EPHA7: variants seen among roughly 807,000 people sequenced by gnomAD.
EPHA7 encodes ephrin type-A receptor 7.
A neutral mutation model predicts 112.6 loss-of-function variants in EPHA7; 25 were observed. The ratio of observed to expected loss-of-function variants is 0.22; its 90% CI spans 0.16 to 0.31. The LOEUF (loss-of-function observed/expected upper bound fraction) is 0.31. EPHA7 is among the 10% of genes least tolerant of loss of function. EPHA7 has a pLI of 1.00. For missense variants in EPHA7, 962 were observed against 1,212.6 expected (o/e 0.79, Z 3.07); for synonymous variants, 437 against 406.5 (o/e 1.07, Z -0.90).
At chr6:93,352,377 T>C (rs910861060) in intron 5 of EPHA7, among the ~76,000 whole-genome samples, 1 of 152,144 alleles carries the variant, frequency 6.6e-6, no homozygotes, top group African/African-American at 2.4e-5. Context: ...AATTACCATG[T>C]TCTGATTACA....
chr6:93,303,124 C>G (rs1488893045), intron 5 of EPHA7, among the ~76,000 whole-genome samples: 1 of 152,082 alleles, frequency 6.6e-6, no homozygotes, highest in Non-Finnish European at 1.5e-5. Context: ...TGATGTTTGC[C>G]CGTGATCCTA....
At chr6:93,396,270 A>T (rs1450787045) in intron 3 of EPHA7, among the ~76,000 whole-genome samples, 1 of 151,930 alleles carries the variant, frequency 6.6e-6, no homozygotes, top group African/African-American at 2.4e-5. Flanking sequence ...AGAACTATTC[A>T]GTAGGTAGAA....
At chr6:93,356,325 A>G (rs994649647) in intron 5 of EPHA7, among the ~76,000 whole-genome samples, 3 of 151,782 alleles carry the variant, frequency 2.0e-5, no homozygotes, top group African/African-American at 7.3e-5. Context: ...CTCCTGCCTC[A>G]GCCTCTCAAG....
Position 93,255,899 on chromosome 6 carries a change from C to G in EPHA7, c.2311G>C (p.Val771Leu). 1 of 1,614,060 alleles carries G rather than the reference C, an allele frequency of 6.2e-7. No individual in the cohort carries two copies. The highest frequency in any genetic ancestry group is 1.3e-5 in the African/African-American group (1 of 75,032). ...AGGCCAAAATCTGACACTTTACAAA[C>G]GAGATTGCTGTTGACAAGAATATTG... The part of the protein sequence containing the change: ...ARNILVNSNL[V>L]CKVSDFGLSR... Residue 771 changes from valine (V) to leucine (L), a missense_variant, in exon 13 of 17, where the codon GTT becomes CTT. Coordinates refer to ENST00000369303, the MANE Select transcript of EPHA7 (RefSeq NM_004440.4).
rs1249303084 is a variant in EPHA7 at position 93,327,944 on chromosome 6, T to C, written c.1324+28773A>G. 2.6e-5 allele frequency among the ~76,000 whole-genome samples: 4 copies of C among 151,546 alleles called. No individual in the cohort carries two copies. In the South Asian group the frequency reaches 8.3e-4, roughly 31 times the overall value. ...CTTCATCTAAAGCCAGTGGTTATAA[T>C]GACTTGCAAGGTCTAACACAGTGTG... On this transcript the variant is annotated intron_variant, in intron 5 of 16. Coordinates refer to ENST00000369303, the MANE Select transcript of EPHA7 (RefSeq NM_004440.4).
At chr6:93,397,576 T>C (rs1344239260) in intron 3 of EPHA7, among the ~76,000 whole-genome samples, 1 of 151,936 alleles carries the variant, frequency 6.6e-6, no homozygotes, top group Admixed American at 6.6e-5. Context: ...GTGTTATGTG[T>C]TCAACTGACC....
At chr6:93,350,549 G>A (rs1036940490) in intron 5 of EPHA7, among the ~76,000 whole-genome samples, 3 of 151,996 alleles carry the variant, frequency 2.0e-5, no homozygotes, top group Non-Finnish European at 4.4e-5. Flanking sequence ...CTGAGTGAGT[G>A]TCATATAGAT....
At chr6:93,256,336 G>A (rs539672745) in intron 12 of EPHA7, among the ~76,000 whole-genome samples, 33 of 151,850 alleles carry the variant, frequency 2.2e-4, no homozygotes, top group Non-Finnish European at 4.3e-4. Context: ...TGGAAATAGA[G>A]TATCTAAAAA....
chr6:93,388,594 A>T (rs552903859), intron 3 of EPHA7, among the ~76,000 whole-genome samples: 20 of 152,250 alleles, frequency 1.3e-4, no homozygotes, highest in African/African-American at 4.8e-4. Context: ...ATTACAGTAA[A>T]GTGGGTACAT....
At position 93,357,030 on chromosome 6, in the gene EPHA7, G is replaced by A. The variant is rs780065950; in HGVS notation, c.1011C>T (p.Asn337=). 1 of 1,612,580 alleles carries A rather than the reference G, an allele frequency of 6.2e-7. No individual in the cohort carries two copies. Among genetic ancestry groups the A allele is most frequent in the South Asian group, 1.1e-5 (1 of 91,054 alleles). ...TGGTTTGGTTGATGTTGAAAATGAG[G>A]TTCTGTGGTGCAGATGGAGGCCCTT... ...ACTRPPSAPQ[N]LIFNINQTTV... Residue 337 remains asparagine, a synonymous_variant, in exon 5 of 17, where the codon AAC becomes AAT. Transcript: ENST00000369303.
chr6:93,371,214 T>C (rs1776779914), intron 3 of EPHA7, among the ~76,000 whole-genome samples: 1 of 150,186 alleles, frequency 6.7e-6, no homozygotes, highest in South Asian at 2.1e-4. Flanking sequence ...TATCCACTGG[T>C]TCTGCATCCA....
At chr6:93,359,162 C>T (rs1217257924) in intron 3 of EPHA7, among the ~76,000 whole-genome samples, 1 of 152,096 alleles carries the variant, frequency 6.6e-6, no homozygotes, top group African/African-American at 2.4e-5. Context: ...CACACTAACA[C>T]AGCAACTTTT....
intron 3 of EPHA7, chr6:93,409,834 T>C (rs1294380889): frequency 1.3e-5 from 2 of 150,890 alleles, no homozygotes; most frequent in Non-Finnish European, 1.5e-5. Flanking sequence ...AAACATGCAA[T>C]TGGTGTACTA....
chr6:93,351,909 C>A (rs956344557), intron 5 of EPHA7, among the ~76,000 whole-genome samples: 1 of 151,966 alleles, frequency 6.6e-6, no homozygotes, highest in Non-Finnish European at 1.5e-5. Context: ...TACAATATGA[C>A]GAGTCAAATA....
At chr6:93,396,697 T>C (rs1419230864) in intron 3 of EPHA7, among the ~76,000 whole-genome samples, 1 of 151,864 alleles carries the variant, frequency 6.6e-6, no homozygotes. Flanking sequence ...AACTCAGCTC[T>C]AAAGTACTAC....
At chr6:93,324,747 A>T (rs1774233916) in intron 5 of EPHA7, among the ~76,000 whole-genome samples, 1 of 151,438 alleles carries the variant, frequency 6.6e-6, no homozygotes. Context: ...GAGAAAGACA[A>T]ATATTCACTA....
chr6:93,266,951 T>C (rs993414181), intron 7 of EPHA7, among the ~76,000 whole-genome samples: 2 of 151,822 alleles, frequency 1.3e-5, no homozygotes, highest in African/African-American at 2.4e-5. Flanking sequence ...GAACTTTTCA[T>C]AGAGTCTGCA....
chr6:93,417,099 A>G (rs1779273603), intron 1 of EPHA7, among the ~76,000 whole-genome samples: 1 of 152,082 alleles, frequency 6.6e-6, no homozygotes, highest in South Asian at 2.1e-4. Context: ...ACGGAGAGAA[A>G]AAGTAAGCAG....
intron 3 of EPHA7, among the ~76,000 whole-genome samples, chr6:93,381,966 C>T (rs768782123): frequency 9.2e-5 from 14 of 152,196 alleles, no homozygotes; most frequent in African/African-American, 2.6e-4. Flanking sequence ...ATAATCATTT[C>T]GCCAAATGTG....
Sources: gnomAD v4.1 joint callset for allele counts (sites outside exome capture counted in the v4.1 genomes callset) on GRCh38, gnomAD v4.1.1 for gene constraint, MANE v1.5 for transcripts, NCBI Gene and HGNC (gene_info 2026-07-23, HGNC 2026-07-21) for gene names.